Variants in CNRIP1 observed in about 807,000 individuals in gnomAD.
The protein encoded by CNRIP1 is cannabinoid receptor interacting protein 1.
CNRIP1 carries 10 observed loss-of-function variants against 15.2 expected under a neutral mutation model. The ratio of observed to expected loss-of-function variants is 0.66; its 90% CI spans 0.41 to 1.12. CNRIP1 has a LOEUF of 1.12. Ranked by LOEUF, CNRIP1 falls within the 50% of genes most tolerant of loss-of-function variation. The pLI is 0.00. For missense variants in CNRIP1, 211 were observed against 214.7 expected (o/e 0.98, Z 0.11); for synonymous variants, 91 against 83.2 (o/e 1.09, Z -0.51).
At chr2:68,310,265 C>T (rs1391653718) in intron 2 of CNRIP1, among the ~76,000 whole-genome samples, 3 of 152,184 alleles carry the variant, frequency 2.0e-5, no homozygotes, top group Admixed American at 2.0e-4. Flanking sequence ...GAGGTGGAGG[C>T]TGCAGTGAGC....
chr2:68,310,563 G>C (rs956756263), intron 2 of CNRIP1, among the ~76,000 whole-genome samples: 1 of 152,108 alleles, frequency 6.6e-6, no homozygotes, highest in Admixed American at 6.5e-5. Context: ...TTGAGTACAG[G>C]AATGTTTACT....
intron 2 of CNRIP1, among the ~76,000 whole-genome samples, chr2:68,306,100 T>C (rs1163601116): frequency 9.4e-6 from 1 of 106,222 alleles, no homozygotes; most frequent in Non-Finnish European, 1.7e-5. Flanking sequence ...CATTGCAGCC[T>C]GGGCAGCAGA....
chr2:68,302,973 G>A (rs981928642), intron 2 of CNRIP1, among the ~76,000 whole-genome samples: 35 of 147,474 alleles, frequency 2.4e-4, no homozygotes, highest in Non-Finnish European at 4.3e-4. Flanking sequence ...TCAGCCTCCC[G>A]AGTAGCTGGG....
rs1672307665 is a variant in CNRIP1 at position 68,317,217 on chromosome 2, G to A, written c.270C>T (p.Asp90=). 6.2e-7 allele frequency: 1 copy of A among 1,614,048 alleles called. No individual in the cohort carries two copies. The highest frequency in any genetic ancestry group is 8.5e-7 in the Non-Finnish European group (1 of 1,180,042). The change falls in exon 2 of 3, where the codon GAC becomes GAT. Residue 90 remains aspartate (D), a synonymous_variant. Transcript: ENST00000263655. ...TCTTCGTTGGGGTCACACCTTCTGT[G>A]TCATATGTACCCGTATAAACAACTC... ...GDRVVYTGTY[D]TEGVTPTKSG...
At chr2:68,300,632 GA>G (rs1352382308) in intron 2 of CNRIP1, among the ~76,000 whole-genome samples, 3 of 149,684 alleles carry the variant, frequency 2.0e-5, no homozygotes, top group Admixed American at 1.3e-4. Flanking sequence ...AATAAAAAAA[GA>G]AAAAAGAAAA....
At chr2:68,304,505 G>T (rs12995380) in intron 2 of CNRIP1, among the ~76,000 whole-genome samples, 33,105 of 152,030 alleles carry the variant, frequency 0.22, 4,028 homozygotes, top group Non-Finnish European at 0.26. Flanking sequence ...CGTGAATCCA[G>T]CAGTAAAGGC....
At chr2:68,316,014 GTTCT>G (rs1412630820) in intron 2 of CNRIP1, 2 of 152,136 alleles carry the variant, frequency 1.3e-5, no homozygotes, top group African/African-American at 4.8e-5. Flanking sequence ...TGTGTTGAAG[GTTCT>G]TTGACAGAAC....
intron 2 of CNRIP1, chr2:68,316,528 T>C (rs1672278262): frequency 6.6e-6 from 1 of 151,974 alleles, no homozygotes. Context: ...CTCTATCCTT[T>C]CTACCAATTT....
At chr2:68,290,308 G>A (rs993394055), downstream of CNRIP1, among the ~76,000 whole-genome samples, 11 of 152,146 alleles carry the variant, frequency 7.2e-5, no homozygotes, top group Non-Finnish European at 1.3e-4. Context: ...GATTACAGGC[G>A]TGAGCCACTG....
chr2:68,299,486 G>A (rs1318525760), intron 2 of CNRIP1, among the ~76,000 whole-genome samples: 1 of 152,160 alleles, frequency 6.6e-6, no homozygotes, highest in Non-Finnish European at 1.5e-5. Context: ...TCTGCCGTAT[G>A]AGGATACATC....
At chr2:68,295,758 G>A (rs1671331417) in intron 2 of CNRIP1, among the ~76,000 whole-genome samples, 1 of 152,180 alleles carries the variant, frequency 6.6e-6, no homozygotes, top group African/African-American at 2.4e-5. Flanking sequence ...ATGCAAATGT[G>A]CAAGAGGGAA....
intron 2 of CNRIP1, among the ~76,000 whole-genome samples, chr2:68,302,355 T>G (rs1000660548): frequency 6.6e-5 from 10 of 152,144 alleles, no homozygotes; most frequent in South Asian, 4.1e-4. Flanking sequence ...GCCTTCTTCC[T>G]CCAAACTCTC....
chr2:68,291,263 G>A (rs986352648), downstream of CNRIP1, among the ~76,000 whole-genome samples: 3 of 151,652 alleles, frequency 2.0e-5, 1 homozygote, highest in African/African-American at 7.3e-5. Context: ...ATACACATAC[G>A]ACATAGACAG....
chr2:68,293,536 T>C lies in CNRIP1; in HGVS notation c.*326A>G, dbSNP rs1245150982. 5 of 1,027,160 alleles carry C rather than the reference T, an allele frequency of 4.9e-6. No individual in the cohort carries two copies. Among genetic ancestry groups the C allele is most frequent in the Non-Finnish European group, 5.8e-6 (5 of 855,980 alleles). The allele number at this position is 1,027,160 out of a possible 1,614,324, so 63.6% of individuals were successfully genotyped here. A position where few individuals can be genotyped will look rare whatever the true frequency, so the allele number is the denominator to read the frequency against. On this transcript the variant is annotated 3_prime_UTR_variant, in exon 3 of 3. Transcript: ENST00000263655. ...GAAACAAAACACCAAAGTTAGTCAG[T>C]GGAATGGTCAAGAGCAGGACAAGCC...
At chr2:68,297,377 G>C (rs1671409796) in intron 2 of CNRIP1, among the ~76,000 whole-genome samples, 1 of 151,974 alleles carries the variant, frequency 6.6e-6, no homozygotes, top group East Asian at 1.9e-4. Flanking sequence ...GACCAGCTTA[G>C]ACAACATGGT....
intron 2 of CNRIP1, among the ~76,000 whole-genome samples, chr2:68,314,856 G>T (rs909634743): frequency 6.6e-6 from 1 of 151,850 alleles, no homozygotes; most frequent in Non-Finnish European, 1.5e-5. Flanking sequence ...CAATATAAAA[G>T]TAAGAACTGA....
At chr2:68,311,298 T>C (rs901520270) in intron 2 of CNRIP1, among the ~76,000 whole-genome samples, 2 of 152,000 alleles carry the variant, frequency 1.3e-5, no homozygotes, top group Non-Finnish European at 2.9e-5. Flanking sequence ...GTATTATACT[T>C]AAGTTAAAAT....
rs765557950 is a variant in CNRIP1, at chr2:68,294,042, C to T, written c.331-16G>A. The T allele has an allele frequency of 3.1e-6, 5 of 1,610,736 alleles. No individual in the cohort carries two copies. Among genetic ancestry groups the T allele is most frequent in the Middle Eastern group, 1.7e-4 (1 of 6,046 alleles). On this transcript the variant is annotated splice_polypyrimidine_tract_variant and intron_variant, in intron 2 of 2. Transcript: ENST00000263655. The stretch of plus-strand genomic sequence containing the variant: ...TGTCTGTGAACTGAGGGAAGAGAAA[C>T]ATGCCTGATAAAAAACCTCATTCTG...
intron 2 of CNRIP1, chr2:68,316,432 G>T (rs1384311798): frequency 6.6e-6 from 1 of 152,136 alleles, no homozygotes; most frequent in Non-Finnish European, 1.5e-5. Flanking sequence ...AGCAGTTTAG[G>T]TGAAGCTTCC....
Sources: gnomAD v4.1 joint callset for allele counts (sites outside exome capture counted in the v4.1 genomes callset) on GRCh38, gnomAD v4.1.1 for gene constraint, MANE v1.5 for transcripts, NCBI Gene and HGNC (gene_info 2026-07-23, HGNC 2026-07-21) for gene names.